FOXN3: variants seen among roughly 807,000 people sequenced by gnomAD.
FOXN3 encodes forkhead box protein N3.
In FOXN3, 7 loss-of-function variants were observed where a neutral mutation model predicts 38.4. The observed-to-expected ratio is 0.18, with a 90% CI of 0.10 to 0.34. FOXN3 has a LOEUF of 0.34. Among genes scored for constraint, FOXN3 ranks in the 10% least tolerant of loss-of-function variants. FOXN3 has a pLI of 1.00. For synonymous variants in FOXN3, 230 were observed against 242.2 expected (o/e 0.95, Z 0.47); for missense variants, 456 against 613.4 (o/e 0.74, Z 2.71).
intron 1 of FOXN3, among the ~76,000 whole-genome samples, chr14:89,432,010 C>T (rs1435692051): frequency 6.6e-6 from 1 of 152,196 alleles, no homozygotes; most frequent in Admixed American, 6.5e-5. Context: ...CCACCACGCC[C>T]GGCTGTGTTG....
intron 1 of FOXN3, among the ~76,000 whole-genome samples, chr14:89,532,119 T>C (rs1464731952): frequency 2.6e-5 from 4 of 152,166 alleles, no homozygotes; most frequent in South Asian, 2.1e-4. Context: ...TGGCTGTTAA[T>C]TGCCTTCCAG....
Position 89,615,116 on chromosome 14 carries a change from A to ATTTTTT in FOXN3, c.-15+3906_-15+3911dup, listed in dbSNP as rs374606775. On this transcript the variant is annotated intron_variant, in intron 1 of 6. Coordinates refer to the FOXN3 transcript ENST00000345097. ...TTTAGCCAACCCATCCCCAATTTCG[A>ATTTTTT]TTTTTTTTTTTTTTTTTTTTTTGCT... is the stretch of plus-strand genomic sequence containing the variant. Among the ~76,000 whole-genome samples, 57 of 106,766 alleles carry ATTTTTT rather than the reference A, an allele frequency of 5.3e-4. 3 individuals carry two copies. The highest frequency in any genetic ancestry group is 1.2e-3 in the African/African-American group (33 of 27,646). The allele number at this position is 106,766 out of a possible 152,430, so 70.0% of individuals were successfully genotyped here. A position where few individuals can be genotyped will look rare whatever the true frequency, so the allele number is the denominator to read the frequency against.
intron 2 of FOXN3, among the ~76,000 whole-genome samples, chr14:89,352,815 C>T (rs919173730): frequency 2.0e-5 from 3 of 152,118 alleles, no homozygotes; most frequent in Non-Finnish European, 2.9e-5. Flanking sequence ...AAGCCAAGAA[C>T]GTGGTTTCTC....
chr14:89,618,990 C>G (rs1386578171), intron 1 of FOXN3: 1 of 152,454 alleles, frequency 6.6e-6, no homozygotes, highest in Non-Finnish European at 1.5e-5. Context: ...TAAACCCGAG[C>G]AGATTAGGAG....
At chr14:89,171,493 A>G (rs1887386632) in intron 5 of FOXN3, among the ~76,000 whole-genome samples, 1 of 152,188 alleles carries the variant, frequency 6.6e-6, no homozygotes. Context: ...ATAAACAAAG[A>G]CACAAAATTC....
intron 4 of FOXN3, among the ~76,000 whole-genome samples, chr14:89,233,364 GGCT>G (rs1448817313): frequency 1.3e-5 from 2 of 152,178 alleles, no homozygotes; most frequent in African/African-American, 2.4e-5. Context: ...GTCACATAAT[GGCT>G]GCTGATTTTG....
chr14:89,516,932 A>G lies in FOXN3; in HGVS notation c.-15+102096T>C, dbSNP rs1894218124. Reference sequence around the variant, plus strand: ...GCCAACAGTCACTGTTCTTAGCCTCAGTCCTGAACTGCTCTCCTTGACCTG... The same window carrying G: ...GCCAACAGTCACTGTTCTTAGCCTCGGTCCTGAACTGCTCTCCTTGACCTG... On this transcript the variant is annotated intron_variant, in intron 1 of 6. Coordinates refer to the FOXN3 transcript ENST00000345097. 2.0e-5 allele frequency among the ~76,000 whole-genome samples: 3 copies of G among 152,292 alleles called. 1 individual carries two copies. The highest frequency in any genetic ancestry group is 2.4e-5 in the African/African-American group (1 of 41,564).
chr14:89,604,242 T>TGCGCGCACACACACGC (rs1473006736), intron 1 of FOXN3, among the ~76,000 whole-genome samples: 3 of 120,446 alleles, frequency 2.5e-5, no homozygotes, highest in Non-Finnish European at 5.3e-5. Context: ...CACACACACG[T>TGCGCGCACACACACGC]GCGCGCACAC....
intron 2 of FOXN3, among the ~76,000 whole-genome samples, chr14:89,385,679 T>C: frequency 6.6e-6 from 1 of 152,070 alleles, no homozygotes; most frequent in East Asian, 1.9e-4. Flanking sequence ...TGGTGGCACA[T>C]GCCTGTAATC....
chr14:89,404,921 C>G (rs561560949), intron 2 of FOXN3, among the ~76,000 whole-genome samples: 1 of 152,320 alleles, frequency 6.6e-6, no homozygotes, highest in Admixed American at 6.5e-5. Flanking sequence ...CCAGACCACA[C>G]TGTCTTCCAA....
At chr14:89,424,805 A>C (rs912336033) in intron 1 of FOXN3, among the ~76,000 whole-genome samples, 1 of 151,802 alleles carries the variant, frequency 6.6e-6, no homozygotes, top group Non-Finnish European at 1.5e-5. Context: ...GGTTCACTTG[A>C]GCCCTGGAGG....
chr14:89,380,219 G>A (rs1399643383), intron 2 of FOXN3, among the ~76,000 whole-genome samples: 2 of 152,178 alleles, frequency 1.3e-5, no homozygotes, highest in East Asian at 1.9e-4. Context: ...TTATAAATGG[G>A]AGTTCCCCTG....
chr14:89,281,129 T>C (rs7147341), intron 3 of FOXN3, 115 bp from the exon 4 acceptor site: 804,597 of 868,752 alleles, frequency 0.93, 373,431 homozygotes, highest in East Asian at 0.98. Context: ...TGACACCCTT[T>C]GAAAATGCAT....
chr14:89,371,117 T>C (rs1266419019), intron 2 of FOXN3, among the ~76,000 whole-genome samples: 3 of 152,160 alleles, frequency 2.0e-5, no homozygotes, highest in Non-Finnish European at 2.9e-5. Flanking sequence ...CTCTGATCAC[T>C]GAAGCCTGAG....
At chr14:89,355,290 C>A (rs920908673) in intron 2 of FOXN3, 2 of 151,224 alleles carry the variant, frequency 1.3e-5, no homozygotes, top group African/African-American at 4.9e-5. Flanking sequence ...TGCAGTGGCG[C>A]AATCTCAGCT....
At chr14:89,314,317 G>A (rs1291137575) in intron 3 of FOXN3, among the ~76,000 whole-genome samples, 4 of 152,056 alleles carry the variant, frequency 2.6e-5, no homozygotes, top group East Asian at 3.8e-4. Context: ...ACTACAAAAC[G>A]ATAAATATTT....
intron 1 of FOXN3, among the ~76,000 whole-genome samples, chr14:89,445,289 C>T (rs1205111385): frequency 2.0e-5 from 3 of 152,178 alleles, no homozygotes; most frequent in Non-Finnish European, 4.4e-5. Flanking sequence ...CAAGCAGTGT[C>T]ATGACCCTTA....
At chr14:89,392,892 C>A (rs72703612) in intron 2 of FOXN3, among the ~76,000 whole-genome samples, 1 of 151,742 alleles carries the variant, frequency 6.6e-6, no homozygotes, top group African/African-American at 2.4e-5. Flanking sequence ...GTGCAACCTC[C>A]GCCCCCAAGG....
intron 4 of FOXN3, among the ~76,000 whole-genome samples, chr14:89,251,242 C>A (rs901801234): frequency 2.6e-4 from 39 of 152,158 alleles, no homozygotes; most frequent in Non-Finnish European, 8.8e-5. Flanking sequence ...TCAGACGCCT[C>A]CTACAGCCAC....
Sources: gnomAD v4.1 joint callset for allele counts (sites outside exome capture counted in the v4.1 genomes callset) on GRCh38, gnomAD v4.1.1 for gene constraint, MANE v1.5 for transcripts, NCBI Gene and HGNC (gene_info 2026-07-23, HGNC 2026-07-21) for gene names.